Variants in ATXN10 observed in about 807,000 individuals in gnomAD.
ATXN10 encodes the protein ataxin-10.
A neutral mutation model predicts 52.9 loss-of-function variants in ATXN10; 28 were observed. The observed-to-expected ratio is 0.53, with a 90% confidence interval of 0.39 to 0.73. The LOEUF is 0.73. Ranked by LOEUF, ATXN10 falls within the 30% of genes least tolerant of loss-of-function variation. The pLI is 0.00. For missense variants in ATXN10, 565 were observed against 577.0 expected (o/e 0.98, Z 0.21); for synonymous variants, 226 against 221.5 (o/e 1.02, Z -0.18).
chr22:45,744,079 AT>A lies in ATXN10; in HGVS notation c.1173+3543del, dbSNP rs1192204883. ...GGGGGTCCTCTTATCCTTGTTTCTG[AT>A]TCACCCATTCATCAAATACGAATGT... On this transcript the variant is annotated intron_variant, in intron 9 of 11. Coordinates refer to ENST00000252934, the MANE Select transcript of ATXN10 (RefSeq NM_013236.4). The surrounding 1 kb of genome is among the most constrained non-coding windows in gnomAD (Gnocchi z 4.9). Among the ~76,000 whole-genome samples, 2 of 152,038 alleles carry A rather than the reference AT, an allele frequency of 1.3e-5. No homozygotes were observed. The highest frequency in any genetic ancestry group is 4.8e-5 in the African/African-American group (2 of 41,396).
At chr22:45,729,716 A>G (rs1925014257) in intron 7 of ATXN10, 126 bp downstream of exon 7, 1 of 1,069,774 alleles carries the variant, frequency 9.3e-7, no homozygotes, top group South Asian at 1.3e-5. Flanking sequence ...ATGTATCCAT[A>G]TATGAGAATA....
At chr22:45,751,427 T>TGG (rs1925943605) in intron 9 of ATXN10, among the ~76,000 whole-genome samples, 1 of 148,068 alleles carries the variant, frequency 6.8e-6, no homozygotes, top group South Asian at 2.2e-4. Context: ...TGTGTGTTTT[T>TGG]GAGAGAGAGA....
rs1439725956 is a variant in ATXN10 at position 45,696,435 on chromosome 22, T to C, written c.391+3357T>C. Among the ~76,000 whole-genome samples, 1 of 152,218 alleles carries C rather than the reference T, an allele frequency of 6.6e-6. No individual in the cohort carries two copies. The highest frequency in any genetic ancestry group is 1.5e-5 in the Non-Finnish European group (1 of 68,044). On this transcript the variant is annotated intron_variant, in intron 3 of 11. Transcript: ENST00000252934. This position sits in a 1 kb window ranked among gnomAD's most constrained non-coding sequence, Gnocchi z 4.7. ...AGGAGGTTTCTCTTTTAATGATATA[T>C]GCTAAATAAAGAAGCAAAGGGGAAG...
chr22:45,831,431 C>T (rs1283669417), intron 10 of ATXN10, among the ~76,000 whole-genome samples: 1 of 152,062 alleles, frequency 6.6e-6, no homozygotes, highest in Non-Finnish European at 1.5e-5. Context: ...TCAGACTTTT[C>T]CTGTATGTCT....
At chr22:45,703,692 A>G (rs1923927950) in intron 5 of ATXN10, among the ~76,000 whole-genome samples, 1 of 152,158 alleles carries the variant, frequency 6.6e-6, no homozygotes, top group African/African-American at 2.4e-5. Context: ...GCTCCTCCTG[A>G]TCCTTGTCCC....
intron 7 of ATXN10, 81 bp downstream of exon 7, chr22:45,729,671 C>CT (rs1457478023): frequency 6.8e-7 from 1 of 1,474,894 alleles, no homozygotes; most frequent in Non-Finnish European, 9.4e-7. Context: ...TATGAGAATT[C>CT]TTTTTTAAAA....
chr22:45,687,577 T>C (rs1923195169), intron 1 of ATXN10, among the ~76,000 whole-genome samples: 1 of 152,246 alleles, frequency 6.6e-6, no homozygotes, highest in African/African-American at 2.4e-5. Flanking sequence ...TTTACTTGAC[T>C]ATAGCATTAA....
At chr22:45,767,351 A>G (rs752073646) in intron 9 of ATXN10, among the ~76,000 whole-genome samples, 4 of 152,174 alleles carry the variant, frequency 2.6e-5, no homozygotes, top group Admixed American at 1.3e-4. Flanking sequence ...ATAGTATACT[A>G]TATCTTTTAT....
intron 5 of ATXN10, among the ~76,000 whole-genome samples, chr22:45,711,489 T>C (rs1373113116): frequency 6.6e-6 from 1 of 152,058 alleles, no homozygotes; most frequent in Non-Finnish European, 1.5e-5. Context: ...GCTAAAGACA[T>C]GCACACAGCT....
In ATXN10 at chr22:45,684,079, GTA is replaced by G. The variant is rs1923034549; in HGVS notation, c.117-5632_117-5631del. On this transcript the variant is annotated intron_variant, in intron 1 of 11. Transcript: ENST00000252934. The surrounding 1 kb of genome is among the most constrained non-coding windows in gnomAD (Gnocchi z 4.1). ...CAGTCCTTCTGCATCAGGCTCCCAA[GTA>G]GCTGGGACTACGAGGCACAGACCAT... Among the ~76,000 whole-genome samples the G allele has an allele frequency of 6.6e-6, 1 of 151,802 alleles. No homozygotes were observed. The highest frequency in any genetic ancestry group is 1.5e-5 in the Non-Finnish European group (1 of 67,998).
At chr22:45,836,397 C>CT (rs1288302450) in intron 10 of ATXN10, among the ~76,000 whole-genome samples, 2 of 152,256 alleles carry the variant, frequency 1.3e-5, no homozygotes, top group African/African-American at 4.8e-5. Context: ...GGACCTCCAT[C>CT]TTGCCTGGCC....
At chr22:45,753,784 G>A (rs1926078094) in intron 9 of ATXN10, among the ~76,000 whole-genome samples, 4 of 152,106 alleles carry the variant, frequency 2.6e-5, no homozygotes, top group African/African-American at 9.7e-5. Flanking sequence ...TGCAGTAGCT[G>A]CCTGTGATAA....
In ATXN10 at chr22:45,772,192, AT is replaced by A. The variant is rs1280772482; in HGVS notation, c.1173+31658del. Among the ~76,000 whole-genome samples, 1 of 152,044 alleles carries A rather than the reference AT, an allele frequency of 6.6e-6. No individual in the cohort carries two copies. The highest frequency in any genetic ancestry group is 2.4e-5 in the African/African-American group (1 of 41,378). ...TTTTCTCATAGTTTTTCTTCCTAAA[AT>A]TTTGTAGTTTTATGTTTTGTGTTTA... On this transcript the variant is annotated intron_variant, in intron 9 of 11. Coordinates refer to ENST00000252934, the MANE Select transcript of ATXN10 (RefSeq NM_013236.4). The surrounding 1 kb of genome is among the most constrained non-coding windows in gnomAD (Gnocchi z 4.1).
intron 3 of ATXN10, among the ~76,000 whole-genome samples, chr22:45,697,693 G>C (rs1050444977): frequency 2.0e-5 from 3 of 151,918 alleles, no homozygotes; most frequent in African/African-American, 7.3e-5. Context: ...GCAGTGGGGC[G>C]ATCTCGGCTC....
chr22:45,796,073 A>G (rs1927726844), intron 9 of ATXN10, among the ~76,000 whole-genome samples: 1 of 152,242 alleles, frequency 6.6e-6, no homozygotes, highest in Admixed American at 6.5e-5. Context: ...GAAAGTGACT[A>G]GGAGAAATAT....
rs1393759319 is a variant in ATXN10 at position 45,712,673 on chromosome 22, C to A, written c.648-5740C>A. ...CCCCAGTGCCTGGCACATGTAGATT[C>A]AGGAAATCTATTTATATATTTTTCA... On this transcript the variant is annotated intron_variant, in intron 5 of 11. Transcript: ENST00000252934. This position sits in a 1 kb window ranked among gnomAD's most constrained non-coding sequence, Gnocchi z 4.6. 6.6e-6 allele frequency among the ~76,000 whole-genome samples: 1 copy of A among 152,178 alleles called. No homozygotes were observed. The highest frequency in any genetic ancestry group is 2.4e-5 in the African/African-American group (1 of 41,444).
rs546397118 is a variant in ATXN10, at chr22:45,688,470, G to A, written c.117-1242G>A. Among the ~76,000 whole-genome samples, 1 of 152,272 alleles carries A rather than the reference G, an allele frequency of 6.6e-6. No individual in the cohort carries two copies. The highest frequency in any genetic ancestry group is 2.1e-4 in the South Asian group (1 of 4,820). On this transcript the variant is annotated intron_variant, in intron 1 of 11. Coordinates refer to ENST00000252934, the MANE Select transcript of ATXN10 (RefSeq NM_013236.4). This position sits in a 1 kb window ranked among gnomAD's most constrained non-coding sequence, Gnocchi z 4.0. The stretch of plus-strand genomic sequence containing the variant: ...TGACTCCAGACTTAAGAAAGGCCCC[G>A]ACAGAGAGAAAACATAATAAATAAT...
At chr22:45,714,244 A>G (rs1459775727) in intron 5 of ATXN10, among the ~76,000 whole-genome samples, 1 of 151,592 alleles carries the variant, frequency 6.6e-6, no homozygotes, top group Non-Finnish European at 1.5e-5. Context: ...GTGTATTCTA[A>G]TTTTCTTTAC....
intron 3 of ATXN10, among the ~76,000 whole-genome samples, chr22:45,694,636 G>A (rs1455916866): frequency 2.0e-5 from 3 of 152,202 alleles, no homozygotes; most frequent in Admixed American, 2.0e-4. Flanking sequence ...ACAAAAATTA[G>A]CTGGGTGTGA....
Sources: gnomAD v4.1 joint callset for allele counts (sites outside exome capture counted in the v4.1 genomes callset) on GRCh38, gnomAD v4.1.1 for gene constraint, Gnocchi (gnomAD v3.1) non-coding constraint, MANE v1.5 for transcripts, NCBI Gene and HGNC (gene_info 2026-07-23, HGNC 2026-07-21) for gene names.